Variants in ARID1B observed in about 807,000 individuals in gnomAD.
ARID1B encodes the protein AT-rich interaction domain 1B, also known as AT-rich interactive domain-containing protein 1B.
ARID1B carries 30 observed loss-of-function variants against 212.3 expected under a neutral mutation model. That is an observed-to-expected ratio of 0.14 (90% CI 0.11 to 0.19). The LOEUF is 0.19. Among genes scored for constraint, ARID1B ranks in the 10% least tolerant of loss-of-function variants. ARID1B has a pLI of 1.00. For missense variants in ARID1B, 2,891 were observed against 3,204.0 expected (o/e 0.90, Z 2.36); for synonymous variants, 1,402 against 1,301.7 (o/e 1.08, Z -1.66).
chr6:157,148,984 A>G lies in ARID1B; in HGVS notation c.3089+33A>G. 7 of 1,585,300 alleles carry G rather than the reference A, an allele frequency of 4.4e-6. No homozygotes were observed. The highest frequency in any genetic ancestry group is 4.3e-6 in the Non-Finnish European group (5 of 1,163,666). The stretch of plus-strand genomic sequence containing the variant: ...ACCCAGGAGCACGCCCCGGGCAGGT[A>G]CGCTGTGTGTCTACCCGTGACCACG... On this transcript the variant is annotated intron_variant, in intron 8 of 19. Coordinates refer to ENST00000636930, the MANE Select transcript of ARID1B (RefSeq NM_001374828.1). This position sits in a 1 kb window ranked among gnomAD's most constrained non-coding sequence, Gnocchi z 5.6.
chr6:156,793,178 G>T (rs1780126988), intron 1 of ARID1B, among the ~76,000 whole-genome samples: 1 of 152,078 alleles, frequency 6.6e-6, no homozygotes, highest in Admixed American at 6.5e-5. Flanking sequence ...AGGCAAAAGG[G>T]AATTCTGTGA....
chr6:157,162,105 T>C (rs141619539), intron 8 of ARID1B, among the ~76,000 whole-genome samples: 79 of 152,354 alleles, frequency 5.2e-4, no homozygotes, highest in African/African-American at 1.7e-3. Context: ...AACCCATTCA[T>C]TTTAAAGATA....
At chr6:156,970,139 G>A (rs1776821125) in intron 4 of ARID1B, among the ~76,000 whole-genome samples, 1 of 151,960 alleles carries the variant, frequency 6.6e-6, no homozygotes, top group African/African-American at 2.4e-5. Flanking sequence ...GAAGTGCAAT[G>A]GCATGATCTT....
intron 2 of ARID1B, among the ~76,000 whole-genome samples, chr6:156,856,700 T>TCTCTCTCTCTCTCTCTCTCTCA (rs1168465535): frequency 8.7e-6 from 1 of 114,648 alleles, no homozygotes; most frequent in African/African-American, 3.5e-5. Context: ...TCTCTCTCTC[T>TCTCTCTCTCTCTCTCTCTCTCA]CACACACACA....
At chr6:156,917,179 A>G (rs1790427769) in intron 3 of ARID1B, among the ~76,000 whole-genome samples, 1 of 152,226 alleles carries the variant, frequency 6.6e-6, no homozygotes, top group African/African-American at 2.4e-5. Context: ...ACCTTAGTGT[A>G]AAGCAGCAAC....
At chr6:157,031,363 A>G (rs1368377916) in intron 4 of ARID1B, among the ~76,000 whole-genome samples, 1 of 152,222 alleles carries the variant, frequency 6.6e-6, no homozygotes, top group Non-Finnish European at 1.5e-5. Flanking sequence ...CATTGTAAGG[A>G]GAGTATTTTT....
intron 4 of ARID1B, among the ~76,000 whole-genome samples, chr6:157,062,866 C>T (rs1311765786): frequency 6.6e-6 from 1 of 151,506 alleles, no homozygotes; most frequent in African/African-American, 2.4e-5. Flanking sequence ...AGCACACCTG[C>T]CTAATTTTTT....
intron 4 of ARID1B, among the ~76,000 whole-genome samples, chr6:156,969,001 A>G (rs1776731153): frequency 6.6e-6 from 1 of 152,232 alleles, no homozygotes; most frequent in Non-Finnish European, 1.5e-5. Context: ...ACATGCGCAC[A>G]GTTGCACTGT....
At chr6:156,905,250 G>GCGCGCACA (rs1554265935) in intron 3 of ARID1B, among the ~76,000 whole-genome samples, 18 of 143,730 alleles carry the variant, frequency 1.3e-4, no homozygotes, top group African/African-American at 4.7e-4. Flanking sequence ...ACATATGCAC[G>GCGCGCACA]CACACACACA....
At chr6:156,921,664 G>A (rs982880553) in intron 3 of ARID1B, among the ~76,000 whole-genome samples, 2 of 152,124 alleles carry the variant, frequency 1.3e-5, no homozygotes, top group African/African-American at 4.8e-5. Flanking sequence ...GAGTGGGGAA[G>A]AGATAATTTA....
chr6:157,066,116 CTT>C (rs1783662100), intron 4 of ARID1B, among the ~76,000 whole-genome samples: 2 of 152,184 alleles, frequency 1.3e-5, no homozygotes, highest in Non-Finnish European at 2.9e-5. Context: ...AGAAAACAAT[CTT>C]ATTTCTTCAC....
chr6:156,848,113 A>T (rs1784344887), intron 2 of ARID1B, among the ~76,000 whole-genome samples: 1 of 152,246 alleles, frequency 6.6e-6, no homozygotes, highest in South Asian at 2.1e-4. Context: ...TGTAATTTTT[A>T]ACAATAAAGA....
chr6:156,814,262 A>C (rs1468385414), intron 1 of ARID1B, among the ~76,000 whole-genome samples: 2 of 152,066 alleles, frequency 1.3e-5, no homozygotes, highest in Non-Finnish European at 2.9e-5. Context: ...CAAAAAATAC[A>C]ACAAAACTTA....
chr6:156,871,510 A>T, intron 2 of ARID1B: 1 of 954,946 alleles, frequency 1.0e-6, no homozygotes, highest in Non-Finnish European at 1.7e-6. Context: ...TGGAGTGATT[A>T]AGTTGCTCAA....
intron 3 of ARID1B, among the ~76,000 whole-genome samples, chr6:156,926,722 G>T (rs980647257): frequency 1.9e-4 from 29 of 152,172 alleles, no homozygotes; most frequent in African/African-American, 6.3e-4. Flanking sequence ...TCTCTCTGTT[G>T]CCCAGGCTCG....
chr6:156,901,758 TAG>T, intron 3 of ARID1B: 1 of 582,086 alleles, frequency 1.7e-6, no homozygotes, highest in South Asian at 2.3e-5. Flanking sequence ...CATTACTGGT[TAG>T]TGGCAGCAGA....
At chr6:157,181,253 G>A in intron 12 of ARID1B, 75 bp downstream of exon 12, 3 of 1,525,008 alleles carry the variant, frequency 2.0e-6, no homozygotes, top group Non-Finnish European at 2.7e-6. Flanking sequence ...CTTTGAATGT[G>A]TGGACTCATT....
intron 6 of ARID1B, among the ~76,000 whole-genome samples, chr6:157,127,191 A>G (rs1483683003): frequency 6.6e-6 from 1 of 152,232 alleles, no homozygotes; most frequent in African/African-American, 2.4e-5. Flanking sequence ...AGACACCTAT[A>G]GCTGGAAGTG....
intron 5 of ARID1B, among the ~76,000 whole-genome samples, chr6:157,089,412 G>A (rs1785143480): frequency 6.6e-6 from 1 of 152,126 alleles, no homozygotes; most frequent in Non-Finnish European, 1.5e-5. Context: ...CCACTACTGT[G>A]ATACACTGGT....
Sources: gnomAD v4.1 joint callset for allele counts (sites outside exome capture counted in the v4.1 genomes callset) on GRCh38, gnomAD v4.1.1 for gene constraint, Gnocchi (gnomAD v3.1) non-coding constraint, MANE v1.5 for transcripts, NCBI Gene and HGNC (gene_info 2026-07-23, HGNC 2026-07-21) for gene names.